The following ANO2 variants were observed in gnomAD, a reference collection of about 807,000 sequenced individuals.
ANO2 encodes the protein anoctamin-2.
A neutral mutation model predicts 124.2 loss-of-function variants in ANO2; 101 were observed. The observed-to-expected ratio is 0.81, with a 90% confidence interval of 0.69 to 0.96. The LOEUF is 0.96. ANO2 is among the 40% of genes least tolerant of loss of function. ANO2 has a pLI of 0.00. For synonymous variants in ANO2, 486 were observed against 482.5 expected (o/e 1.01, Z -0.09); for missense variants, 1,293 against 1,274.5 (o/e 1.01, Z -0.22).
intron 14 of ANO2, among the ~76,000 whole-genome samples, chr12:5,707,449 G>C (rs1363746926): frequency 6.6e-6 from 1 of 152,158 alleles, no homozygotes; most frequent in African/African-American, 2.4e-5. Context: ...TATCATGTCT[G>C]TTCTTTATAG....
At chr12:5,768,593 C>A (rs1334657177) in intron 10 of ANO2, among the ~76,000 whole-genome samples, 1 of 152,228 alleles carries the variant, frequency 6.6e-6, no homozygotes, top group Non-Finnish European at 1.5e-5. Context: ...GCACGGAGGA[C>A]TCACAGCCAC....
intron 3 of ANO2, among the ~76,000 whole-genome samples, chr12:5,886,122 T>A (rs9783436): frequency 0.01 from 1,584 of 152,144 alleles, 29 homozygotes; most frequent in African/African-American, 0.036. Flanking sequence ...TCCCAGACCA[T>A]CCTAAGCAAG....
At chr12:5,819,880 G>A (rs1953729406) in intron 7 of ANO2, among the ~76,000 whole-genome samples, 1 of 152,188 alleles carries the variant, frequency 6.6e-6, no homozygotes, top group African/African-American at 2.4e-5. Context: ...AAGGCAAGGT[G>A]GGTGTACCTA....
rs1396938094 is a variant in ANO2 at position 5,652,341 on chromosome 12, CT to C, written c.1546-4541del. On this transcript the variant is annotated intron_variant, in intron 14 of 24. Coordinates refer to ENST00000682330, the MANE Select transcript of ANO2 (RefSeq NM_001364791.2). Reference sequence around the variant, plus strand: ...CCATATACCCTGCACCCAGTTTCCCCTATTACATTAGTTAAGTACATTTTTC... The same window carrying C: ...CCATATACCCTGCACCCAGTTTCCCCATTACATTAGTTAAGTACATTTTTC... Among the ~76,000 whole-genome samples, 36 of 152,186 alleles carry C rather than the reference CT, an allele frequency of 2.4e-4. No individual in the cohort carries two copies. The Middle Eastern group carries it at 0.01, about 43-fold the overall frequency.
chr12:5,753,779 G>GT (rs1396247437), intron 10 of ANO2, among the ~76,000 whole-genome samples: 1 of 152,004 alleles, frequency 6.6e-6, no homozygotes, highest in Non-Finnish European at 1.5e-5. Context: ...ATTTCTAAAA[G>GT]TTTTTTGGTA....
chr12:5,864,589 G>A (rs776467280), intron 3 of ANO2, among the ~76,000 whole-genome samples: 4 of 152,180 alleles, frequency 2.6e-5, no homozygotes, highest in Non-Finnish European at 4.4e-5. Flanking sequence ...ACCAGGACAC[G>A]GAGAGCACTT....
At chr12:5,576,637 G>A (rs1942430158) in intron 22 of ANO2, among the ~76,000 whole-genome samples, 1 of 152,222 alleles carries the variant, frequency 6.6e-6, no homozygotes, top group Non-Finnish European at 1.5e-5. Context: ...ACAGCATCTG[G>A]CATGTCTAAG....
At chr12:5,733,868 A>T (rs1348009568) in intron 13 of ANO2, among the ~76,000 whole-genome samples, 1 of 152,162 alleles carries the variant, frequency 6.6e-6, no homozygotes, top group East Asian at 1.9e-4. Flanking sequence ...CACACTGTAG[A>T]TCTTCATTAC....
intron 4 of ANO2, chr12:5,851,856 A>G: frequency 4.3e-6 from 3 of 697,878 alleles, no homozygotes; most frequent in Non-Finnish European, 7.8e-6. Context: ...AAGCAAGCGG[A>G]GGTTGAAAAA....
chr12:5,653,039 C>G (rs933154677), intron 14 of ANO2, among the ~76,000 whole-genome samples: 1 of 152,156 alleles, frequency 6.6e-6, no homozygotes, highest in Non-Finnish European at 1.5e-5. Flanking sequence ...AAGAGATACT[C>G]AGTCATACCA....
chr12:5,887,828 G>GA (rs1032016651), intron 3 of ANO2, among the ~76,000 whole-genome samples: 10 of 148,054 alleles, frequency 6.8e-5, no homozygotes, highest in Non-Finnish European at 1.5e-4. Context: ...ATGCCCCCCG[G>GA]TTTTTTTTTT....
intron 20 of ANO2, among the ~76,000 whole-genome samples, chr12:5,593,511 A>G (rs192936572): frequency 8.5e-5 from 13 of 152,228 alleles, no homozygotes; most frequent in Admixed American, 8.5e-4. Context: ...GGGGTCTGGT[A>G]CCCTCATTCT....
At chr12:5,941,505 G>A (rs1332901251) in intron 1 of ANO2, among the ~76,000 whole-genome samples, 1 of 151,824 alleles carries the variant, frequency 6.6e-6, no homozygotes, top group Non-Finnish European at 1.5e-5. Flanking sequence ...TCATGTGACT[G>A]GAGTTCCACA....
chr12:5,563,541 C>G lies in ANO2; in HGVS notation c.2755G>C (p.Val919Leu), dbSNP rs376930143. ...QNLVMFLSVL[V>L]DWMIPDIPTD... ...GGGATGTCTGGAATCATCCAGTCCA[C>G]GAGGACGCTCAGGAACATCACGAGG... The change falls in exon 25 of 25, where the codon GTG (valine) becomes CTG (leucine). Residue 919 changes from valine to leucine, a missense_variant. Val to Leu is a conservative substitution (Grantham distance 32). Transcript: ENST00000682330. 6.2e-6 allele frequency: 10 copies of G among 1,613,844 alleles called. No individual in the cohort carries two copies. The highest frequency in any genetic ancestry group is 1.7e-5 in the Admixed American group (1 of 59,992).
chr12:5,939,778 T>C (rs1942820758), intron 1 of ANO2, among the ~76,000 whole-genome samples: 1 of 152,156 alleles, frequency 6.6e-6, no homozygotes, highest in Admixed American at 6.5e-5. Flanking sequence ...TCAGATTCCT[T>C]TGGCTAAAAT....
intron 14 of ANO2, among the ~76,000 whole-genome samples, chr12:5,692,814 C>T (rs1333901885): frequency 2.0e-5 from 3 of 152,264 alleles, no homozygotes; most frequent in South Asian, 2.1e-4. Context: ...TGTGAGGGAA[C>T]GCTTCCGCCA....
intron 14 of ANO2, among the ~76,000 whole-genome samples, chr12:5,678,237 G>C (rs1348787079): frequency 6.6e-6 from 1 of 152,204 alleles, no homozygotes; most frequent in Non-Finnish European, 1.5e-5. Flanking sequence ...GAAAGACTTA[G>C]TTTGGAACAT....
chr12:5,867,777 TG>T (rs1955465471), intron 3 of ANO2, among the ~76,000 whole-genome samples: 3 of 29,358 alleles, frequency 1.0e-4, no homozygotes, highest in Middle Eastern at 0.025. Context: ...AGCACTATAA[TG>T]AAAAAAAAAA....
At chr12:5,641,688 G>C (rs1946401030) in intron 15 of ANO2, among the ~76,000 whole-genome samples, 1 of 152,206 alleles carries the variant, frequency 6.6e-6, no homozygotes, top group African/African-American at 2.4e-5. Context: ...GAACTTGCTG[G>C]TGGCAGTTGT....
Sources: allele counts gnomAD v4.1 joint callset (sites outside exome capture counted in the v4.1 genomes callset), GRCh38; gene constraint gnomAD v4.1.1; transcripts MANE v1.5; gene names NCBI Gene and HGNC (gene_info 2026-07-23, HGNC 2026-07-21).